SOX5: variants seen among roughly 807,000 people sequenced by gnomAD.
The protein encoded by SOX5 is SRY-box transcription factor 5.
A neutral mutation model predicts 92.0 loss-of-function variants in SOX5; 9 were observed. The ratio of observed to expected loss-of-function variants is 0.10; its 90% CI spans 0.06 to 0.17. SOX5 has a LOEUF of 0.17. SOX5 is among the 10% of genes least tolerant of loss of function. The pLI, the probability that SOX5 is intolerant of heterozygous loss-of-function variation, is 1.00. For missense variants in SOX5, 642 were observed against 944.5 expected (o/e 0.68, Z 4.20); for synonymous variants, 344 against 336.3 (o/e 1.02, Z -0.25).
chr12:23,651,855 C>G (rs990585067), intron 7 of SOX5, among the ~76,000 whole-genome samples: 7 of 151,682 alleles, frequency 4.6e-5, no homozygotes. Context: ...AATTCAAGAT[C>G]TAGCCTGTAG....
chr12:24,009,839 A>G (rs1341182624), intron 4 of SOX5, among the ~76,000 whole-genome samples: 1 of 152,118 alleles, frequency 6.6e-6, no homozygotes, highest in Non-Finnish European at 1.5e-5. Context: ...CATCCCTAAT[A>G]CCCTCCCCCA....
intron 4 of SOX5, among the ~76,000 whole-genome samples, chr12:24,085,151 C>T (rs1020597751): frequency 1.3e-5 from 2 of 152,102 alleles, no homozygotes; most frequent in Non-Finnish European, 2.9e-5. Flanking sequence ...TAAAAAGATA[C>T]TTTCTTTTGC....
chr12:23,688,254 T>C (rs1442238859), intron 6 of SOX5, among the ~76,000 whole-genome samples: 1 of 152,090 alleles, frequency 6.6e-6, no homozygotes, highest in Non-Finnish European at 1.5e-5. Context: ...CGAGCTGCAC[T>C]TGGAAAATTA....
At chr12:23,737,028 G>C (rs1474346558) in intron 5 of SOX5, among the ~76,000 whole-genome samples, 1 of 149,476 alleles carries the variant, frequency 6.7e-6, no homozygotes, top group African/African-American at 2.6e-5. Flanking sequence ...AGTGGTAAAA[G>C]AGAGAGTAGA....
intron 6 of SOX5, among the ~76,000 whole-genome samples, chr12:23,682,261 G>A (rs928529616): frequency 6.6e-6 from 1 of 151,708 alleles, no homozygotes; most frequent in Non-Finnish European, 1.5e-5. Context: ...TAGATGAAAA[G>A]GGAAATCTTC....
At chr12:24,335,972 C>CTCATATATATAT (rs769537310) in intron 2 of SOX5, among the ~76,000 whole-genome samples, 1 of 58,612 alleles carries the variant, frequency 1.7e-5, no homozygotes, top group African/African-American at 6.5e-5. Context: ...GAAATGCTAT[C>CTCATATATATAT]ATATATATAT....
At chr12:23,598,468 G>A (rs1329675149) in intron 9 of SOX5, among the ~76,000 whole-genome samples, 12 of 138,704 alleles carry the variant, frequency 8.7e-5, no homozygotes, top group African/African-American at 3.2e-4. Context: ...GCGCGATCTC[G>A]GCTCACTGCA....
At chr12:23,971,036 C>T (rs114806759) in intron 4 of SOX5, among the ~76,000 whole-genome samples, 126 of 146,662 alleles carry the variant, frequency 8.6e-4, no homozygotes, top group African/African-American at 3.0e-3. Flanking sequence ...TATGAGGGCT[C>T]CAATTTCACT....
intron 1 of SOX5, among the ~76,000 whole-genome samples, chr12:24,405,906 C>T (rs1209160872): frequency 6.6e-6 from 1 of 152,026 alleles, no homozygotes; most frequent in African/African-American, 2.4e-5. Context: ...GATGCCAAGT[C>T]CCATCTTTCC....
chr12:23,766,181 C>A (rs1347874025), intron 3 of SOX5, among the ~76,000 whole-genome samples: 1 of 152,140 alleles, frequency 6.6e-6, no homozygotes, highest in Non-Finnish European at 1.5e-5. Context: ...ATCAGTTAAA[C>A]CTGCTATAAA....
At chr12:23,835,978 G>A (rs2096408256) in intron 3 of SOX5, among the ~76,000 whole-genome samples, 1 of 151,644 alleles carries the variant, frequency 6.6e-6, no homozygotes, top group Non-Finnish European at 1.5e-5. Context: ...CTGGTTATAA[G>A]GTTTTCATCG....
intron 4 of SOX5, among the ~76,000 whole-genome samples, chr12:23,975,394 G>C (rs534166808): frequency 2.6e-4 from 39 of 151,732 alleles, no homozygotes; most frequent in African/African-American, 9.2e-4. Flanking sequence ...CAAAATCATT[G>C]AATAGGGTCC....
chr12:24,270,935 T>C, intron 3 of SOX5, among the ~76,000 whole-genome samples: 1 of 152,276 alleles, frequency 6.6e-6, no homozygotes, highest in East Asian at 1.9e-4. Context: ...CTGAGTTATT[T>C]CCGGATTTTT....
At chr12:24,550,257 G>A (rs1285012948) in intron 1 of SOX5, among the ~76,000 whole-genome samples, 1 of 152,306 alleles carries the variant, frequency 6.6e-6, no homozygotes, top group East Asian at 1.9e-4. Context: ...TGAGACAGGA[G>A]CAGGGGCGCC....
At chr12:24,192,865 C>T (rs956915973) in intron 4 of SOX5, among the ~76,000 whole-genome samples, 1 of 152,190 alleles carries the variant, frequency 6.6e-6, no homozygotes, top group African/African-American at 2.4e-5. Flanking sequence ...TGAACCAGAG[C>T]CTACAGAGTA....
intron 4 of SOX5, among the ~76,000 whole-genome samples, chr12:24,031,860 T>C (rs1316975361): frequency 1.3e-5 from 2 of 151,728 alleles, no homozygotes; most frequent in East Asian, 3.9e-4. Flanking sequence ...AGTTCTATGG[T>C]CCCAAATGCA....
chr12:24,018,364 TA>T (rs2136643598), intron 4 of SOX5, among the ~76,000 whole-genome samples: 1 of 152,316 alleles, frequency 6.6e-6, no homozygotes, highest in South Asian at 2.1e-4. Flanking sequence ...AAAAACACAA[TA>T]TTCAACGTAT....
chr12:24,460,164 A>G lies in SOX5; in HGVS notation c.-250-91525T>C, dbSNP rs182512544. 3.3e-3 allele frequency among the ~76,000 whole-genome samples: 497 copies of G among 152,328 alleles called. 1 individual carries two copies. The highest frequency in any genetic ancestry group is 6.1e-3 in the Non-Finnish European group (414 of 68,036). Reference sequence around the variant, plus strand: ...CTTCCTAACAGTGCTGGTGGCAGCAACGAAGCTTAATCAATGCAATGGGAG... The same window carrying G: ...CTTCCTAACAGTGCTGGTGGCAGCAGCGAAGCTTAATCAATGCAATGGGAG... On this transcript the variant is annotated intron_variant, in intron 1 of 4. Transcript: ENST00000446891.
chr12:23,669,251 A>G (rs2084361086), intron 6 of SOX5, among the ~76,000 whole-genome samples: 1 of 152,150 alleles, frequency 6.6e-6, no homozygotes, highest in South Asian at 2.1e-4. Context: ...GGCTCCTAAC[A>G]CAGCCAGGAG....
Sources: allele counts gnomAD v4.1 joint callset (sites outside exome capture counted in the v4.1 genomes callset), GRCh38; gene constraint gnomAD v4.1.1; transcripts MANE v1.5; gene names NCBI Gene and HGNC (gene_info 2026-07-23, HGNC 2026-07-21).